The following CDH12 variants were observed in gnomAD, a reference collection of about 807,000 sequenced individuals.
CDH12 encodes the protein cadherin 12.
In CDH12, 41 loss-of-function variants were observed where a neutral mutation model predicts 74.1. The observed-to-expected ratio is 0.55, with a 90% CI of 0.43 to 0.72. CDH12 has a LOEUF of 0.72. Among genes scored for constraint, CDH12 ranks in the 30% least tolerant of loss-of-function variants. CDH12 has a pLI of 0.00. For missense variants in CDH12, 945 were observed against 977.2 expected (o/e 0.97, Z 0.44); for synonymous variants, 399 against 355.0 (o/e 1.12, Z -1.39).
rs1479194947 is a variant in CDH12, at chr5:22,059,103, T to G, written c.231+19343A>C. Among the ~76,000 whole-genome samples, 3 of 152,124 alleles carry G rather than the reference T, an allele frequency of 2.0e-5. No homozygotes were observed. The East Asian group carries it at 5.8e-4, about 29-fold the overall frequency. On this transcript the variant is annotated intron_variant, in intron 5 of 14. Transcript: ENST00000382254. ...AAGAATTTTTAGGAATTATCTCTGA[T>G]CATGATCAGGTAGTGAATAAGAAAG...
intron 1 of CDH12, among the ~76,000 whole-genome samples, chr5:22,835,326 G>T (rs145103544): frequency 1.3e-5 from 2 of 152,188 alleles, no homozygotes; most frequent in Non-Finnish European, 2.9e-5. Context: ...TGAAAGATTT[G>T]TAAAATATGG....
At position 22,188,462 on chromosome 5, in the gene CDH12, A is replaced by T. The variant is rs572907826; in HGVS notation, c.-187+24036T>A. On this transcript the variant is annotated intron_variant, in intron 4 of 14. Transcript: ENST00000382254. ...GTATTCCTTTAGAGCAACACAAAACAGACAGAGAGAGAGAGGCAGGATGCT... is the reference window on the plus strand; with the variant it reads ...GTATTCCTTTAGAGCAACACAAAACTGACAGAGAGAGAGAGGCAGGATGCT... 3.3e-5 allele frequency among the ~76,000 whole-genome samples: 5 copies of T among 152,280 alleles called. No homozygotes were observed. The South Asian group carries it at 1.0e-3, about 32-fold the overall frequency.
intron 1 of CDH12, among the ~76,000 whole-genome samples, chr5:22,640,048 AAATAAAC>A (rs1739065131): frequency 6.6e-6 from 1 of 152,224 alleles, no homozygotes; most frequent in African/African-American, 2.4e-5. Flanking sequence ...CAGAGAGAAA[AAATAAAC>A]AATAAAGAAA....
At chr5:22,438,417 C>T (rs1220120957) in intron 2 of CDH12, among the ~76,000 whole-genome samples, 1 of 151,956 alleles carries the variant, frequency 6.6e-6, no homozygotes, top group Non-Finnish European at 1.5e-5. Flanking sequence ...TTGAAGCTCA[C>T]AGAAGTGATG....
intron 3 of CDH12, among the ~76,000 whole-genome samples, chr5:22,342,378 T>A (rs938684160): frequency 3.3e-5 from 5 of 152,218 alleles, no homozygotes; most frequent in African/African-American, 9.6e-5. Context: ...AGGAGAATTA[T>A]TAATACATTA....
chr5:22,125,284 C>T (rs1198684037), intron 4 of CDH12, among the ~76,000 whole-genome samples: 1 of 151,980 alleles, frequency 6.6e-6, no homozygotes, highest in African/African-American at 2.4e-5. Context: ...CGACAGGCCT[C>T]GGTGTATGAT....
chr5:22,027,575 C>T (rs1382793366), intron 5 of CDH12, among the ~76,000 whole-genome samples: 2 of 152,158 alleles, frequency 1.3e-5, no homozygotes, highest in African/African-American at 4.8e-5. Context: ...TTATCCATTT[C>T]TTCTAGATTT....
intron 5 of CDH12, among the ~76,000 whole-genome samples, chr5:22,018,505 T>A (rs551812417): frequency 1.3e-5 from 2 of 152,298 alleles, no homozygotes; most frequent in African/African-American, 4.8e-5. Context: ...AACTTTGTAT[T>A]TTTTGAGTGG....
At chr5:22,834,106 T>G (rs1464716946) in intron 1 of CDH12, among the ~76,000 whole-genome samples, 1 of 152,190 alleles carries the variant, frequency 6.6e-6, no homozygotes, top group Non-Finnish European at 1.5e-5. Context: ...TCTATTGCAC[T>G]TTATAATTGC....
At chr5:22,845,145 G>C (rs1480308829) in intron 1 of CDH12, among the ~76,000 whole-genome samples, 1 of 151,932 alleles carries the variant, frequency 6.6e-6, no homozygotes, top group Non-Finnish European at 1.5e-5. Flanking sequence ...ATATTATTTT[G>C]CCTTAAGTTG....
chr5:22,778,850 T>G (rs1382752012), intron 1 of CDH12, among the ~76,000 whole-genome samples: 1 of 152,070 alleles, frequency 6.6e-6, no homozygotes, highest in Non-Finnish European at 1.5e-5. Context: ...GTGGGTTTTT[T>G]GGTCAGTTTT....
At chr5:22,439,858 T>C (rs2126539091) in intron 2 of CDH12, among the ~76,000 whole-genome samples, 1 of 152,260 alleles carries the variant, frequency 6.6e-6, no homozygotes, top group Middle Eastern at 3.4e-3. Context: ...TCTTGAACCT[T>C]CTCTTTTTCA....
chr5:21,975,364 C>G lies in CDH12; in HGVS notation c.253G>C (p.Gly85Arg). The G allele has an allele frequency of 6.3e-7, 1 of 1,594,824 alleles. No individual in the cohort carries two copies. Among genetic ancestry groups the G allele is most frequent in the Non-Finnish European group, 8.5e-7 (1 of 1,178,842 alleles). The change falls in exon 6 of 15, where the codon GGA becomes CGA. Residue 85 changes from glycine (G) to arginine (R), a missense_variant. Coordinates refer to ENST00000382254, the MANE Select transcript of CDH12 (RefSeq NM_004061.5). ...VGKLHSDLDK[G>R]EGTVKYTLSG... Reference sequence around the variant, plus strand: ...AGGGTGTATTTCACAGTGCCCTCTCCCTTGTCTAAGTCGGAATGGAGCTTT... The same window carrying G: ...AGGGTGTATTTCACAGTGCCCTCTCGCTTGTCTAAGTCGGAATGGAGCTTT...
chr5:22,049,067 C>G (rs1017782490), intron 5 of CDH12, among the ~76,000 whole-genome samples: 1 of 152,070 alleles, frequency 6.6e-6, no homozygotes, highest in African/African-American at 2.4e-5. Context: ...GAGCGACTAG[C>G]ATATAATCTT....
chr5:21,958,657 C>A (rs1422036677), intron 6 of CDH12, among the ~76,000 whole-genome samples: 1 of 152,066 alleles, frequency 6.6e-6, no homozygotes, highest in Non-Finnish European at 1.5e-5. Context: ...GTTTATGTCC[C>A]TGTTTTTGTG....
chr5:22,459,722 C>A, intron 2 of CDH12, among the ~76,000 whole-genome samples: 1 of 152,062 alleles, frequency 6.6e-6, no homozygotes, highest in Non-Finnish European at 1.5e-5. Flanking sequence ...CGCTTGTAAT[C>A]CCAGCACTTT....
chr5:22,290,343 T>A (rs1314176889), intron 3 of CDH12, among the ~76,000 whole-genome samples: 1 of 152,074 alleles, frequency 6.6e-6, no homozygotes, highest in Non-Finnish European at 1.5e-5. Flanking sequence ...TTGAAAATTA[T>A]TCTAAGGACA....
At chr5:22,325,832 C>A (rs1423493585) in intron 3 of CDH12, among the ~76,000 whole-genome samples, 6 of 151,978 alleles carry the variant, frequency 3.9e-5, no homozygotes, top group Non-Finnish European at 5.9e-5. Flanking sequence ...GGTGTGAACC[C>A]GGGAGGCGGA....
intron 1 of CDH12, among the ~76,000 whole-genome samples, chr5:22,773,741 G>A (rs1212281924): frequency 6.6e-6 from 1 of 151,928 alleles, no homozygotes; most frequent in African/African-American, 2.4e-5. Flanking sequence ...TGAAAACTGT[G>A]CACACAACAA....
Sources: allele counts gnomAD v4.1 joint callset (sites outside exome capture counted in the v4.1 genomes callset), GRCh38; gene constraint gnomAD v4.1.1; transcripts MANE v1.5; gene names NCBI Gene and HGNC (gene_info 2026-07-23, HGNC 2026-07-21).